The following MEST variants were observed in gnomAD, a reference collection of about 807,000 sequenced individuals.
The protein encoded by MEST is mesoderm specific transcript, also known as mesoderm-specific transcript homolog protein.
MEST carries 18 observed loss-of-function variants against 50.9 expected under a neutral mutation model. The ratio of observed to expected loss-of-function variants is 0.35; its 90% CI spans 0.24 to 0.52. MEST has a LOEUF of 0.52. Ranked by LOEUF, MEST falls within the 20% of genes least tolerant of loss-of-function variation. The pLI is 0.94. For synonymous variants in MEST, 130 were observed against 154.1 expected (o/e 0.84, Z 1.16); for missense variants, 282 against 425.3 (o/e 0.66, Z 2.96).
chr7:130,503,958 TC>T lies in MEST; in HGVS notation c.854del (p.Pro285LeufsTer2). On this transcript the variant is annotated frameshift_variant, in exon 11 of 12. Transcript: ENST00000223215. LOFTEE classifies it high-confidence loss of function. ...TTCATTTTATCTATGGGCCATTGGA[TC>T]CTGTAAATCCCTATCCAGAGTTTTT... The part of the protein sequence containing the change: ...PIHFIYGPLD[P>X]VNPYPEFLEL... 1 of 1,613,510 alleles carries T rather than the reference TC, an allele frequency of 6.2e-7. No individual in the cohort carries two copies. Among genetic ancestry groups the T allele is most frequent in the Non-Finnish European group, 8.5e-7 (1 of 1,179,444 alleles).
chr7:130,490,897 T>C (rs1798780270), upstream of MEST: 1 of 152,338 alleles, frequency 6.6e-6, no homozygotes, highest in African/African-American at 2.4e-5. Context: ...TTCCTCAGTG[T>C]CCGTGGGTCG....
intron 10 of MEST, 78 bp from the exon 11 acceptor site, chr7:130,503,855 G>A (rs1460239843): frequency 2.6e-5 from 27 of 1,054,386 alleles, no homozygotes; most frequent in African/African-American, 1.6e-4. Context: ...ATTTCTTTTC[G>A]GAGAGGAGTT....
At chr7:130,504,840 T>C (rs1799417680) in intron 11 of MEST, 99 bp from the exon 12 acceptor site, 1 of 801,890 alleles carries the variant, frequency 1.2e-6, no homozygotes, top group Non-Finnish European at 2.1e-6. Flanking sequence ...CTCCTTCCAG[T>C]GTGGTGTGTC....
At chr7:130,499,998 C>T in intron 7 of MEST, 83 bp downstream of exon 7, 1 of 1,099,430 alleles carries the variant, frequency 9.1e-7, no homozygotes, top group Non-Finnish European at 1.3e-6. Flanking sequence ...GCCATAGCTC[C>T]TGTAACTGGC....
intron 1 of MEST, among the ~76,000 whole-genome samples, chr7:130,493,034 G>T (rs1006340074): frequency 6.6e-6 from 1 of 152,138 alleles, no homozygotes; most frequent in Non-Finnish European, 1.5e-5. Context: ...TCGCAGTGCC[G>T]AGATCGCCGC....
chr7:130,495,564 A>G (rs372924388), intron 2 of MEST, 42 bp downstream of exon 2: 15 of 1,592,612 alleles, frequency 9.4e-6, no homozygotes, highest in East Asian at 4.5e-5. Context: ...TATCGGTCAC[A>G]TAAGTCCCAG....
intron 9 of MEST, among the ~76,000 whole-genome samples, chr7:130,501,800 G>A (rs782319219): frequency 6.6e-6 from 1 of 152,074 alleles, no homozygotes; most frequent in South Asian, 2.1e-4. Flanking sequence ...GAGGTCAGGA[G>A]TTTAGAGACC....
rs1799228353 is a variant in MEST, at chr7:130,500,350, A to G, written c.577-112A>G. 1.9e-5 allele frequency: 17 copies of G among 894,512 alleles called. No individual in the cohort carries two copies. Among genetic ancestry groups the G allele is most frequent in the Non-Finnish European group, 2.9e-5 (17 of 581,782 alleles). The allele number at this position is 894,512 out of a possible 1,614,324, so 55.4% of individuals were successfully genotyped here. On this transcript the variant is annotated intron_variant, in intron 7 of 11. Coordinates refer to ENST00000223215, the MANE Select transcript of MEST (RefSeq NM_002402.4). This position sits in a 1 kb window ranked among gnomAD's most constrained non-coding sequence, Gnocchi z 5.0. ...AAAACAAAATGCCAAGTACCAAACC[A>G]TTCAGTAGCAGGAGATTTGGCTAAA...
chr7:130,492,379 C>A lies in MEST; in HGVS notation c.26+40C>A. On this transcript the variant is annotated intron_variant, in intron 1 of 11. Transcript: ENST00000223215. The surrounding 1 kb of genome is among the most constrained non-coding windows in gnomAD (Gnocchi z 7.6). ...GGAACGAGGGGGTGTGGCTGGCGGC[C>A]CTGGGACTAGGGCGCAGGCGAGCGG... 7.8e-7 allele frequency: 1 copy of A among 1,282,888 alleles called. No individual in the cohort carries two copies. 79.5% of individuals were successfully genotyped at this position (1,282,888 alleles called of 1,614,324 possible).
chr7:130,486,410 G>T (rs1798621593), intron 1 of MEST: 2 of 152,476 alleles, frequency 1.3e-5, no homozygotes, highest in Admixed American at 6.5e-5. Context: ...GAGGCGGGCG[G>T]GGAAGGAGTG....
At chr7:130,498,303 T>G in intron 5 of MEST, 28 bp downstream of exon 5, 1 of 1,612,736 alleles carries the variant, frequency 6.2e-7, no homozygotes, top group East Asian at 2.2e-5. Context: ...CTTCAGCTTA[T>G]GATGCTAGGA....
upstream of MEST, among the ~76,000 whole-genome samples, chr7:130,491,805 C>T (rs73724326): frequency 0.056 from 8,515 of 152,130 alleles, 305 homozygotes; most frequent in African/African-American, 0.1. This position sits in a 1 kb window ranked among gnomAD's most constrained non-coding sequence, Gnocchi z 6.8. Flanking sequence ...GGCCTTAACT[C>T]ATCAGGGGAG....
chr7:130,498,104 C>T (rs1461117295), intron 4 of MEST, 35 bp from the exon 5 acceptor site: 1 of 1,614,076 alleles, frequency 6.2e-7, no homozygotes, highest in Middle Eastern at 1.7e-4. Flanking sequence ...GTCCTCATGA[C>T]TTCATCCTGT....
chr7:130,494,789 G>A, intron 1 of MEST: 1 of 977,788 alleles, frequency 1.0e-6, no homozygotes, highest in Non-Finnish European at 1.2e-6. Flanking sequence ...GTACTAAATG[G>A]GGCTTCATTT....
upstream of MEST, chr7:130,489,546 TTCTC>T (rs782806844): frequency 6.6e-6 from 1 of 152,328 alleles, no homozygotes; most frequent in South Asian, 2.1e-4. Flanking sequence ...GGCCAGCATT[TTCTC>T]TCTTAGACTT....
Position 130,502,671 on chromosome 7 carries a change from G to T in MEST, c.777G>T (p.Lys259Asn). The change falls in exon 10 of 12, where the codon AAG (lysine) becomes AAT (asparagine). Residue 259 changes from lysine to asparagine, a missense_variant. Lys to Asn is a moderately conservative substitution (Grantham distance 94). Coordinates refer to ENST00000223215, the MANE Select transcript of MEST (RefSeq NM_002402.4). ...DSLLQYINQR[K>N]KFRRRWVGAL... ...TCTTACAGTACATCAATCAGAGGAAGAAGTTCAGAAGGCGCTGGGTGGGAG... is the reference window on the plus strand; with the variant it reads ...TCTTACAGTACATCAATCAGAGGAATAAGTTCAGAAGGCGCTGGGTGGGAG... The T allele has an allele frequency of 1.9e-6, 3 of 1,613,946 alleles. No homozygotes were observed. Among genetic ancestry groups the T allele is most frequent in the Non-Finnish European group, 2.5e-6 (3 of 1,179,884 alleles).
chr7:130,495,555 A>G, intron 2 of MEST, 33 bp downstream of exon 2: 2 of 1,604,062 alleles, frequency 1.2e-6, no homozygotes, highest in Non-Finnish European at 1.7e-6. Flanking sequence ...TCCTGCGTGT[A>G]TCGGTCACAT....
Position 130,500,759 on chromosome 7 carries a change from C to T in MEST, c.648-30C>T. On this transcript the variant is annotated intron_variant, in intron 8 of 11. Transcript: ENST00000223215. This position sits in a 1 kb window ranked among gnomAD's most constrained non-coding sequence, Gnocchi z 5.0. ...TTGAACATTCTGAGTTCTCCTCACACTTATCTTCCTGCGTTTTGGACTCTT... is the reference window on the plus strand; with the variant it reads ...TTGAACATTCTGAGTTCTCCTCACATTTATCTTCCTGCGTTTTGGACTCTT... The T allele has an allele frequency of 9.5e-6, 15 of 1,578,094 alleles. No individual in the cohort carries two copies. Among genetic ancestry groups the T allele is most frequent in the Non-Finnish European group, 1.3e-5 (15 of 1,156,382 alleles).
At chr7:130,495,889 A>T in intron 2 of MEST, 1 of 292,188 alleles carries the variant, frequency 3.4e-6, no homozygotes, top group Admixed American at 5.4e-5. Flanking sequence ...TCTGTAGATT[A>T]TTTGTAGTGT....
Sources: gnomAD v4.1 joint callset for allele counts (sites outside exome capture counted in the v4.1 genomes callset) on GRCh38, gnomAD v4.1.1 for gene constraint, Gnocchi (gnomAD v3.1) non-coding constraint, MANE v1.5 for transcripts, NCBI Gene and HGNC (gene_info 2026-07-23, HGNC 2026-07-21) for gene names.